AIM2: variants seen among roughly 807,000 people sequenced by gnomAD.
AIM2 encodes interferon-inducible protein AIM2.
Under a neutral mutation model 27.7 loss-of-function variants are expected in AIM2, and 30 were observed. The observed-to-expected ratio is 1.08, with a 90% CI of 0.81 to 1.47. The LOEUF (loss-of-function observed/expected upper bound fraction) is 1.47, where lower values mean the gene tolerates loss of function less well. Ranked by LOEUF, AIM2 falls within the 40% of genes most tolerant of loss-of-function variation. AIM2 has a pLI of 0.00. For missense variants in AIM2, 358 were observed against 411.3 expected (o/e 0.87, Z 1.12); for synonymous variants, 141 against 145.3 (o/e 0.97, Z 0.21).
chr1:159,145,600 A>G (rs1467562032), intron 1 of AIM2, among the ~76,000 whole-genome samples: 4 of 152,192 alleles, frequency 2.6e-5, no homozygotes, highest in Non-Finnish European at 4.4e-5. Flanking sequence ...AAACTGAGCT[A>G]TTGAGGCCTC....
At chr1:159,128,171 G>T (rs1647773043) in intron 1 of AIM2, among the ~76,000 whole-genome samples, 1 of 151,954 alleles carries the variant, frequency 6.6e-6, no homozygotes, top group Non-Finnish European at 1.5e-5. Context: ...GCCAGATATG[G>T]TGATAGGAGT....
chr1:159,124,697 G>C (rs12124161), intron 1 of AIM2, among the ~76,000 whole-genome samples: 19,196 of 152,178 alleles, frequency 0.13, 1,497 homozygotes, highest in Non-Finnish European at 0.17. Flanking sequence ...TTTGTTTACA[G>C]AGAACAACCC....
At chr1:159,083,164 T>C (rs958710006) in intron 1 of AIM2, among the ~76,000 whole-genome samples, 2 of 152,188 alleles carry the variant, frequency 1.3e-5, no homozygotes, top group Non-Finnish European at 2.9e-5. Flanking sequence ...TTTATTTAGA[T>C]AGTTATGGTA....
chr1:159,075,617 G>A lies in AIM2; in HGVS notation c.-21+1016C>T, dbSNP rs955108713. Among the ~76,000 whole-genome samples, 6 of 149,294 alleles carry A rather than the reference G, an allele frequency of 4.0e-5. No homozygotes were observed. The Admixed American group carries it at 4.3e-4, about 11-fold the overall frequency. On this transcript the variant is annotated intron_variant, in intron 1 of 5. Coordinates refer to ENST00000368130, the MANE Select transcript of AIM2 (RefSeq NM_004833.3). ...CCTGCTATATATATATATATAGAGA[G>A]AGAGAGAGAGAGAGAGAGCTAATAG...
At chr1:159,132,594 T>C (rs1647917007) in intron 1 of AIM2, among the ~76,000 whole-genome samples, 1 of 152,166 alleles carries the variant, frequency 6.6e-6, no homozygotes, top group Admixed American at 6.6e-5. Flanking sequence ...ATTCAGTAGA[T>C]TGTGGAATCC....
At chr1:159,068,961 A>T (rs902715847) in intron 2 of AIM2, among the ~76,000 whole-genome samples, 3 of 152,134 alleles carry the variant, frequency 2.0e-5, no homozygotes, top group African/African-American at 7.2e-5. Flanking sequence ...CAACATAGGG[A>T]GACCCTATCT....
chr1:159,123,768 T>G (rs150370283), intron 1 of AIM2, among the ~76,000 whole-genome samples: 1 of 152,202 alleles, frequency 6.6e-6, no homozygotes, highest in Non-Finnish European at 1.5e-5. Flanking sequence ...AACAGCTAAC[T>G]GAACAAGTGC....
chr1:159,065,383 C>T (rs2101965820), intron 4 of AIM2, among the ~76,000 whole-genome samples: 1 of 152,230 alleles, frequency 6.6e-6, no homozygotes. Context: ...CTGTCTTCCC[C>T]CAGTTTGCAT....
At chr1:159,104,390 TTTTAA>T (rs1197477689) in intron 1 of AIM2, among the ~76,000 whole-genome samples, 4 of 152,202 alleles carry the variant, frequency 2.6e-5, no homozygotes, top group Admixed American at 2.0e-4. Context: ...TTGTATTTAG[TTTTAA>T]TTTAAAACTC....
At chr1:159,106,486 AAAAGACTGTGAAATGTGAG>A (rs1173413185) in intron 1 of AIM2, among the ~76,000 whole-genome samples, 1 of 152,264 alleles carries the variant, frequency 6.6e-6, no homozygotes, top group Non-Finnish European at 1.5e-5. Flanking sequence ...AGAAACTGGA[AAAAGACTGTGAAATGTGAG>A]AAAGAAAAAA....
chr1:159,122,538 A>C (rs1647564513), intron 1 of AIM2, among the ~76,000 whole-genome samples: 2 of 152,196 alleles, frequency 1.3e-5, no homozygotes, highest in African/African-American at 2.4e-5. Context: ...TTGCTGGTGT[A>C]AAGTTAGCTG....
intron 1 of AIM2, among the ~76,000 whole-genome samples, chr1:159,103,775 C>T (rs1446902990): frequency 6.6e-6 from 1 of 152,226 alleles, no homozygotes; most frequent in Admixed American, 6.5e-5. Context: ...TCCCGAATAA[C>T]AAATCTGCAG....
chr1:159,105,374 G>A (rs757678955), intron 1 of AIM2, among the ~76,000 whole-genome samples: 9 of 152,192 alleles, frequency 5.9e-5, no homozygotes, highest in Admixed American at 2.6e-4. Flanking sequence ...GGTCTGGGCC[G>A]CAGCTCCTCT....
At chr1:159,143,259 A>G (rs749779749), upstream of AIM2, among the ~76,000 whole-genome samples, 24 of 152,184 alleles carry the variant, frequency 1.6e-4, no homozygotes, top group Non-Finnish European at 3.4e-4. Flanking sequence ...AATATAAGCA[A>G]AAGGCTCTTT....
At chr1:159,055,354 T>C in the AIM2 span, among the ~76,000 whole-genome samples, 1 of 152,224 alleles carries the variant, frequency 6.6e-6, no homozygotes. Context: ...AAGGGATAAG[T>C]AAGCGTGAAA....
At chr1:159,102,233 C>T (rs1381050004) in intron 1 of AIM2, among the ~76,000 whole-genome samples, 6 of 152,182 alleles carry the variant, frequency 3.9e-5, no homozygotes, top group Admixed American at 6.5e-5. Flanking sequence ...GTAGCTTCCA[C>T]GTGATTTTGG....
At chr1:159,056,887 T>C in the AIM2 span, among the ~76,000 whole-genome samples, 9 of 151,968 alleles carry the variant, frequency 5.9e-5, no homozygotes, top group African/African-American at 2.4e-5. Context: ...GGAGACACAA[T>C]TGCCTATCAG....
chr1:159,142,887 T>C (rs948325949), upstream of AIM2, among the ~76,000 whole-genome samples: 1 of 152,050 alleles, frequency 6.6e-6, no homozygotes, highest in Non-Finnish European at 1.5e-5. Flanking sequence ...CCGATGACAA[T>C]GCATTGATTT....
upstream of AIM2, among the ~76,000 whole-genome samples, chr1:159,078,716 G>A (rs1207796133): frequency 6.6e-6 from 1 of 152,198 alleles, no homozygotes; most frequent in Non-Finnish European, 1.5e-5. Context: ...ACACAGAAGG[G>A]AAAGGAGGCA....
Sources: allele counts gnomAD v4.1 joint callset (sites outside exome capture counted in the v4.1 genomes callset), GRCh38; gene constraint gnomAD v4.1.1; transcripts MANE v1.5; gene names NCBI Gene and HGNC (gene_info 2026-07-23, HGNC 2026-07-21).